EYS: variants seen among roughly 807,000 people sequenced by gnomAD.
EYS encodes EGF-like photoreceptor maintenance factor.
Under a neutral mutation model 282.1 loss-of-function variants are expected in EYS, and 250 were observed. That is an observed-to-expected ratio of 0.89 (90% confidence interval 0.80 to 0.98). The LOEUF (loss-of-function observed/expected upper bound fraction) is 0.98, where lower values mean the gene tolerates loss of function less well. Ranked by LOEUF, EYS falls within the 50% of genes least tolerant of loss-of-function variation. The pLI is 0.00. For missense variants in EYS, 4,016 were observed against 3,709.0 expected (o/e 1.08, Z -2.15); for synonymous variants, 1,355 against 1,282.9 (o/e 1.06, Z -1.20).
At chr6:64,779,609 C>T (rs1773796089) in intron 22 of EYS, among the ~76,000 whole-genome samples, 1 of 151,980 alleles carries the variant, frequency 6.6e-6, no homozygotes, top group Non-Finnish European at 1.5e-5. Context: ...TACAACACAA[C>T]AAATGAACTC....
At chr6:64,173,754 A>G (rs191322687) in intron 31 of EYS, among the ~76,000 whole-genome samples, 40 of 152,310 alleles carry the variant, frequency 2.6e-4, no homozygotes, top group Non-Finnish European at 5.1e-4. Context: ...TATATGTATT[A>G]AAATAGAACA....
chr6:65,258,193 A>C (rs529741526), intron 12 of EYS, among the ~76,000 whole-genome samples: 2 of 152,200 alleles, frequency 1.3e-5, no homozygotes, highest in African/African-American at 4.8e-5. Flanking sequence ...GAAGATATTA[A>C]CATGGATATC....
At chr6:65,456,015 AGG>A (rs201162620) in intron 5 of EYS, among the ~76,000 whole-genome samples, 27,338 of 148,426 alleles carry the variant, frequency 0.18, 3,134 homozygotes, top group Middle Eastern at 0.29. Context: ...GAAAGAAAGA[AGG>A]AAGGAAGGAA....
At chr6:64,621,171 T>C (rs1394522691) in intron 23 of EYS, among the ~76,000 whole-genome samples, 1 of 152,128 alleles carries the variant, frequency 6.6e-6, no homozygotes, top group African/African-American at 2.4e-5. Flanking sequence ...CTAAACCAAA[T>C]CTTTAAATAC....
chr6:65,555,486 C>T lies in EYS; in HGVS notation c.-332-59493G>A, dbSNP rs774909085. The stretch of plus-strand genomic sequence containing the variant: ...TTAGCAATATACTTTTATTATTATA[C>T]ATTTATTCAAGAAAAATGTTTATAT... On this transcript the variant is annotated intron_variant, in intron 2 of 42. Transcript: ENST00000503581. 3.3e-5 allele frequency among the ~76,000 whole-genome samples: 5 copies of T among 152,076 alleles called. No homozygotes were observed. In the South Asian group the frequency reaches 1.0e-3, roughly 32 times the overall value.
At chr6:64,776,877 ATGT>A (rs1773694623) in intron 22 of EYS, among the ~76,000 whole-genome samples, 1 of 146,014 alleles carries the variant, frequency 6.8e-6, no homozygotes, top group African/African-American at 2.8e-5. Flanking sequence ...TTCTGATGTT[ATGT>A]TAGTTTATTC....
At chr6:64,728,374 G>A (rs991362783) in intron 22 of EYS, among the ~76,000 whole-genome samples, 3 of 150,964 alleles carry the variant, frequency 2.0e-5, no homozygotes, top group Admixed American at 6.6e-5. Flanking sequence ...TTGCTCTGTC[G>A]CCCAGGCTGG....
intron 22 of EYS, among the ~76,000 whole-genome samples, chr6:64,797,210 T>C (rs1169983038): frequency 6.6e-6 from 1 of 151,834 alleles, no homozygotes; most frequent in Non-Finnish European, 1.5e-5. Context: ...GGATCAGATG[T>C]GAGGAAAGAG....
intron 22 of EYS, among the ~76,000 whole-genome samples, chr6:64,731,926 G>T (rs1771983281): frequency 6.6e-6 from 1 of 152,100 alleles, no homozygotes; most frequent in Non-Finnish European, 1.5e-5. Flanking sequence ...GCCCATCAAT[G>T]TTAGACTGGA....
intron 14 of EYS, among the ~76,000 whole-genome samples, chr6:64,968,881 A>T (rs1008363723): frequency 1.3e-5 from 2 of 152,140 alleles, no homozygotes; most frequent in African/African-American, 4.8e-5. Context: ...ACCCCAGACC[A>T]CATCCAATCA....
In EYS at chr6:65,655,173, A is replaced by T. The variant is rs1178442533; in HGVS notation, c.-447-15281T>A. ...AGATAAGTTTCTGGATGACATTGAA[A>T]ACTCAGTATTAGAAAAATTCCAAAT... On this transcript the variant is annotated intron_variant, in intron 1 of 42. Transcript: ENST00000503581. Among the ~76,000 whole-genome samples, 3 of 151,622 alleles carry T rather than the reference A, an allele frequency of 2.0e-5. No homozygotes were observed. In the Admixed American group the frequency reaches 2.0e-4, roughly 10 times the overall value.
intron 2 of EYS, among the ~76,000 whole-genome samples, chr6:65,558,511 G>T (rs1195101396): frequency 6.6e-6 from 1 of 152,166 alleles, no homozygotes; most frequent in African/African-American, 2.4e-5. Flanking sequence ...CAGCTGGGTG[G>T]CTGCCGCTGC....
Position 65,639,781 on chromosome 6 carries a change from A to C in EYS, c.-336T>G, listed in dbSNP as rs1284181409. The C allele has an allele frequency of 2.0e-5, 3 of 152,180 alleles. No individual in the cohort carries two copies. Among genetic ancestry groups the C allele is most frequent in the Non-Finnish European group, 2.9e-5 (2 of 68,028 alleles). 9.4% of individuals were successfully genotyped at this position (152,180 alleles called of 1,614,324 possible). On this transcript the variant is annotated 5_prime_UTR_variant, in exon 2 of 43. Coordinates refer to ENST00000503581, the MANE Select transcript of EYS (RefSeq NM_001142800.2). ...TCCTCAGGACTCTTATCCTTACCTC[A>C]AGTACACAGGTTCCGTTGCTGTTTG...
intron 2 of EYS, among the ~76,000 whole-genome samples, chr6:65,527,271 C>T (rs950409989): frequency 1.3e-5 from 2 of 152,140 alleles, no homozygotes; most frequent in African/African-American, 2.4e-5. Flanking sequence ...CTAACTCACA[C>T]TATATTCACA....
chr6:65,048,245 T>C (rs1016197061), intron 13 of EYS, among the ~76,000 whole-genome samples: 3 of 151,874 alleles, frequency 2.0e-5, no homozygotes, highest in Admixed American at 6.6e-5. Context: ...AGTTTTACTA[T>C]TGCCACTTTT....
chr6:64,944,618 CCG>C (rs754140175), intron 15 of EYS, among the ~76,000 whole-genome samples: 14 of 152,148 alleles, frequency 9.2e-5, no homozygotes, highest in South Asian at 2.1e-4. Context: ...AAAGACCTGA[CCG>C]TCCCCCAGCC....
chr6:65,653,517 C>T (rs920656634), intron 1 of EYS, among the ~76,000 whole-genome samples: 5 of 151,876 alleles, frequency 3.3e-5, no homozygotes, highest in African/African-American at 1.2e-4. Flanking sequence ...TAATTTTATA[C>T]AGGAACCCAC....
At chr6:64,003,877 CT>C (rs1411980827) in intron 33 of EYS, among the ~76,000 whole-genome samples, 1 of 152,186 alleles carries the variant, frequency 6.6e-6, no homozygotes, top group Admixed American at 6.5e-5. Context: ...TTCACTTCTC[CT>C]TCCTGCCATC....
chr6:65,569,212 T>C (rs1562264117), intron 2 of EYS, among the ~76,000 whole-genome samples: 1 of 152,100 alleles, frequency 6.6e-6, no homozygotes, highest in Non-Finnish European at 1.5e-5. Flanking sequence ...GAGCACCTTG[T>C]GACCCCCGCC....
Sources: allele counts gnomAD v4.1 joint callset (sites outside exome capture counted in the v4.1 genomes callset), GRCh38; gene constraint gnomAD v4.1.1; transcripts MANE v1.5; gene names NCBI Gene and HGNC (gene_info 2026-07-23, HGNC 2026-07-21).